The following TMEM254 variants were observed in gnomAD, a reference collection of about 807,000 sequenced individuals.
The protein encoded by TMEM254 is transmembrane protein 254.
Under a neutral mutation model 13.9 loss-of-function variants are expected in TMEM254, and 16 were observed. That is an observed-to-expected ratio of 1.15 (90% CI 0.78 to 1.75). TMEM254 has a LOEUF of 1.75. Ranked by LOEUF, TMEM254 falls within the 40% of genes most tolerant of loss-of-function variation. The probability of loss-of-function intolerance (pLI) is 0.00; values close to 1 mark genes in which losing one functional copy is unlikely to be tolerated. For missense variants in TMEM254, 155 were observed against 149.0 expected, an observed-to-expected ratio of 1.04 and a Z score of -0.21; for synonymous variants, 61 against 56.4, an observed-to-expected ratio of 1.08 and a Z score of -0.36.
chr10:80,091,301 A>G lies in TMEM254; in HGVS notation c.*384A>G, dbSNP rs1844567317. On this transcript the variant is annotated 3_prime_UTR_variant, in exon 4 of 4. Transcript: ENST00000372281. ...ATGAAAACACCTTACCCTCACAACCACCATCTTTCCTCTCCTTTCCAAAGC... is the reference window on the plus strand; with the variant it reads ...ATGAAAACACCTTACCCTCACAACCGCCATCTTTCCTCTCCTTTCCAAAGC... 1 of 157,182 alleles carries G rather than the reference A, an allele frequency of 6.4e-6. No individual in the cohort carries two copies. Among genetic ancestry groups the G allele is most frequent in the Non-Finnish European group, 1.4e-5 (1 of 71,660 alleles). 9.7% of individuals were successfully genotyped at this position (157,182 alleles called of 1,614,324 possible).
At chr10:80,088,652 G>T (rs569192430) in intron 3 of TMEM254, among the ~76,000 whole-genome samples, 4 of 150,734 alleles carry the variant, frequency 2.7e-5, no homozygotes, top group East Asian at 2.0e-4. Context: ...AAGATGGAGG[G>T]TCTCCAGGAG....
intron 3 of TMEM254, among the ~76,000 whole-genome samples, chr10:80,083,094 A>G (rs1459179456): frequency 6.7e-6 from 1 of 149,182 alleles, no homozygotes; most frequent in Non-Finnish European, 1.5e-5. Context: ...TTATTAAACA[A>G]ATAAGCTAGA....
intron 3 of TMEM254, among the ~76,000 whole-genome samples, chr10:80,087,815 T>G (rs1383966489): frequency 6.6e-6 from 1 of 152,240 alleles, no homozygotes; most frequent in African/African-American, 2.4e-5. Flanking sequence ...TATTCTTACC[T>G]GTTTATAGGC....
rs117486598 is a variant in TMEM254, at chr10:80,087,709, A to G, written c.252-3088A>G. On this transcript the variant is annotated intron_variant, in intron 3 of 3. Transcript: ENST00000372281. ...TGATATGTATTGCCATATTGCCTTC[A>G]AAAGTATGGAACTAATTTATTCTTC... Among the ~76,000 whole-genome samples, 824 of 152,276 alleles carry G rather than the reference A, an allele frequency of 5.4e-3. 9 individuals carry two copies. The highest frequency in any genetic ancestry group is 9.8e-3 in the Non-Finnish European group (669 of 68,022).
At chr10:80,081,053 C>G (rs932086528) in intron 1 of TMEM254, among the ~76,000 whole-genome samples, 9 of 152,168 alleles carry the variant, frequency 5.9e-5, no homozygotes, top group Admixed American at 5.2e-4. Flanking sequence ...GCACTCCAGC[C>G]TAAGCGACAG....
rs966371886 is a variant in TMEM254 at position 80,079,063 on chromosome 10, CTG to C, written c.87+281_87+282del. ...ACGGCTGGGGAGCTCCCAGCCAACTCTGTGTCTGGGTTTTTCAAGAGGATGGT... is the reference window on the plus strand; with the variant it reads ...ACGGCTGGGGAGCTCCCAGCCAACTCTGTCTGGGTTTTTCAAGAGGATGGT... On this transcript the variant is annotated intron_variant, in intron 1 of 3. Coordinates refer to ENST00000372281, the MANE Select transcript of TMEM254 (RefSeq NM_025125.4). 7 of 1,464,590 alleles carry C rather than the reference CTG, an allele frequency of 4.8e-6. No individual in the cohort carries two copies. The African/African-American group carries it at 5.6e-5, about 12-fold the overall frequency. The allele number at this position is 1,464,590 out of a possible 1,614,324, so 90.7% of individuals were successfully genotyped here. A position where few individuals can be genotyped will look rare whatever the true frequency, so the allele number is the denominator to read the frequency against.
In TMEM254 at chr10:80,081,494, C is replaced by G. The variant is rs1044731978; in HGVS notation, c.88-347C>G. On this transcript the variant is annotated intron_variant, in intron 1 of 3. Transcript: ENST00000372281. The stretch of plus-strand genomic sequence containing the variant: ...CCATCCTGGGCAACATAGTGAGACC[C>G]CATCTCTATATACAATTTTTAAAAG... 6.6e-6 allele frequency: 4 copies of G among 604,430 alleles called. No homozygotes were observed. In the African/African-American group the frequency reaches 7.4e-5, roughly 11 times the overall value. 37.4% of individuals were successfully genotyped at this position (604,430 alleles called of 1,614,324 possible).
intron 3 of TMEM254, among the ~76,000 whole-genome samples, chr10:80,088,221 A>G (rs1175961919): frequency 6.6e-6 from 1 of 152,198 alleles, no homozygotes. Flanking sequence ...TCCTTGGGCT[A>G]ACACAACACT....
chr10:80,086,137 AT>A (rs1589386144), intron 3 of TMEM254: 2 of 733,862 alleles, frequency 2.7e-6, no homozygotes, highest in Non-Finnish European at 4.0e-6. Context: ...TCACAAAGAG[AT>A]TTTTGCATCT....
chr10:80,084,583 C>T (rs1320825620), intron 3 of TMEM254, among the ~76,000 whole-genome samples: 1 of 152,128 alleles, frequency 6.6e-6, no homozygotes, highest in Non-Finnish European at 1.5e-5. Flanking sequence ...ATTCCAGAGA[C>T]TCATGTCAAG....
chr10:80,081,641 C>G, intron 1 of TMEM254, 200 bp from the exon 2 acceptor site: 1 of 1,513,800 alleles, frequency 6.6e-7, no homozygotes, highest in Non-Finnish European at 8.9e-7. Context: ...GCACTCCAGC[C>G]CCAGCAGCGG....
chr10:80,088,352 A>G (rs1214988133), intron 3 of TMEM254, among the ~76,000 whole-genome samples: 1 of 152,202 alleles, frequency 6.6e-6, no homozygotes. Context: ...TGTGCCACAA[A>G]AACAAAAAAT....
In TMEM254 at chr10:80,081,942, T is replaced by G; in HGVS notation, c.189T>G (p.Asn63Lys). ...LVDHHHTLLC[N>K]GYWLAWLIHV... The stretch of plus-strand genomic sequence containing the variant: ...ACCACCATCACACCCTCCTGTGCAA[T>G]GGGTAAGGAGAGCTGCACAAGTGGA... Residue 63 changes from asparagine (N) to lysine (K), a missense_variant and splice_region_variant, in exon 2 of 4, where the codon AAT becomes AAG. Transcript: ENST00000372281. 6.2e-7 allele frequency: 1 copy of G among 1,612,918 alleles called. No individual in the cohort carries two copies. Among genetic ancestry groups the G allele is most frequent in the Non-Finnish European group, 8.5e-7 (1 of 1,179,022 alleles).
intron 3 of TMEM254, among the ~76,000 whole-genome samples, chr10:80,083,265 G>A (rs144363067): frequency 1.7e-3 from 258 of 151,966 alleles, no homozygotes; most frequent in Non-Finnish European, 2.8e-3. Context: ...CACCATGCCT[G>A]GCTAATTTTT....
intron 3 of TMEM254, chr10:80,090,411 G>A (rs1166916033): frequency 1.4e-6 from 1 of 717,628 alleles, no homozygotes; most frequent in Admixed American, 2.0e-5. Flanking sequence ...GATTCTGAGT[G>A]ATTTGCCCAG....
intron 3 of TMEM254, among the ~76,000 whole-genome samples, chr10:80,090,025 A>G (rs915708547): frequency 2.0e-5 from 3 of 149,084 alleles, no homozygotes; most frequent in Non-Finnish European, 4.5e-5. Context: ...AAAAAAAGAA[A>G]TTTGTCAAAT....
At chr10:80,081,813 G>C in intron 1 of TMEM254, 28 bp from the exon 2 acceptor site, 1 of 1,613,794 alleles carries the variant, frequency 6.2e-7, no homozygotes, top group Non-Finnish European at 8.5e-7. Context: ...GACCTAATAG[G>C]TATTCTGTGT....
In TMEM254 at chr10:80,091,990, T is replaced by G. The variant is rs999374102; in HGVS notation, c.*1073T>G. On this transcript the variant is annotated 3_prime_UTR_variant, in exon 4 of 4. Coordinates refer to ENST00000372281, the MANE Select transcript of TMEM254 (RefSeq NM_025125.4). ...CTCTGATTTATTCAAAACACAAGCA[T>G]TTCTGTTTAGAGATTCTAGCCCATG... The G allele has an allele frequency of 2.6e-5, 4 of 152,214 alleles. No homozygotes were observed. The highest frequency in any genetic ancestry group is 9.6e-5 in the African/African-American group (4 of 41,452). The allele number at this position is 152,214 out of a possible 1,614,324, so 9.4% of individuals were successfully genotyped here.
chr10:80,088,475 A>G (rs1043843037), intron 3 of TMEM254, among the ~76,000 whole-genome samples: 7 of 151,862 alleles, frequency 4.6e-5, no homozygotes, highest in African/African-American at 1.7e-4. Context: ...GAAAGCATCA[A>G]ATATTTCTAT....
Sources: gnomAD v4.1 joint callset for allele counts (sites outside exome capture counted in the v4.1 genomes callset) on GRCh38, gnomAD v4.1.1 for gene constraint, MANE v1.5 for transcripts, NCBI Gene and HGNC (gene_info 2026-07-23, HGNC 2026-07-21) for gene names.